Variants in SMG7 observed in about 807,000 individuals in gnomAD.
SMG7 encodes the protein nonsense-mediated mRNA decay factor SMG7.
A neutral mutation model predicts 148.2 loss-of-function variants in SMG7; 34 were observed. That is an observed-to-expected ratio of 0.23 (90% CI 0.17 to 0.31). The LOEUF is 0.31. Ranked by LOEUF, SMG7 falls within the 10% of genes least tolerant of loss-of-function variation. The pLI is 1.00. For missense variants in SMG7, 1,114 were observed against 1,408.4 expected (o/e 0.79, Z 3.35); for synonymous variants, 492 against 515.1 (o/e 0.96, Z 0.61).
intron 16 of SMG7, among the ~76,000 whole-genome samples, chr1:183,545,696 A>G (rs1669800292): frequency 6.6e-6 from 1 of 152,226 alleles, no homozygotes; most frequent in Admixed American, 6.5e-5. Flanking sequence ...TGAAGCAGAA[A>G]GGGGAAACAA....
At chr1:183,521,481 C>G (rs12032165) in intron 4 of SMG7, among the ~76,000 whole-genome samples, 13,058 of 152,202 alleles carry the variant, frequency 0.086, 650 homozygotes, top group East Asian at 0.24. Flanking sequence ...ACAAATCTTT[C>G]TTGATTACAT....
At chr1:183,516,031 A>G in intron 3 of SMG7, 40 bp downstream of exon 3, 1 of 1,234,466 alleles carries the variant, frequency 8.1e-7, no homozygotes, top group Non-Finnish European at 1.2e-6. Context: ...CTGTAAGATC[A>G]AGAATTTCAC....
At chr1:183,508,966 A>C (rs1661570037) in intron 1 of SMG7, among the ~76,000 whole-genome samples, 1 of 152,194 alleles carries the variant, frequency 6.6e-6, no homozygotes, top group Non-Finnish European at 1.5e-5. Flanking sequence ...TGGGAACTTA[A>C]AGAAGTTTTA....
In SMG7 at chr1:183,527,868, C is replaced by T. The variant is rs1666163953; in HGVS notation, c.485-88C>T. On this transcript the variant is annotated intron_variant, in intron 5 of 22. Coordinates refer to ENST00000688051, the MANE Select transcript of SMG7 (RefSeq NM_001375584.1). The surrounding 1 kb of genome is among the most constrained non-coding windows in gnomAD (Gnocchi z 4.0). ...AAATTAACTTTAATGTCTTTATTATCTTTAGAACTTAAAACTATAGCTGTT... is the reference window on the plus strand; with the variant it reads ...AAATTAACTTTAATGTCTTTATTATTTTTAGAACTTAAAACTATAGCTGTT... The T allele has an allele frequency of 3.7e-6, 3 of 820,402 alleles. No homozygotes were observed. Among genetic ancestry groups the T allele is most frequent in the Non-Finnish European group, 6.1e-6 (3 of 495,478 alleles). 50.8% of individuals were successfully genotyped at this position (820,402 alleles called of 1,614,324 possible).
chr1:183,482,630 C>T (rs192101447), intron 1 of SMG7, among the ~76,000 whole-genome samples: 264 of 152,116 alleles, frequency 1.7e-3, no homozygotes, highest in Middle Eastern at 6.8e-3. Context: ...AGACCATGTT[C>T]ACATAACTTA....
intron 4 of SMG7, among the ~76,000 whole-genome samples, chr1:183,520,025 ATT>A (rs200738416): frequency 2.1e-5 from 3 of 144,130 alleles, no homozygotes; most frequent in African/African-American, 2.5e-5. Context: ...AGTTACCAGG[ATT>A]TTTTTTTTTT....
Position 183,545,029 on chromosome 1 carries a change from T to C in SMG7, c.2087T>C (p.Leu696Pro). ...GGTGTTTCTGTCCCAGGAACCTTTCTTCAGCCTACAGCTCACTCTCCAGCA... is the reference window on the plus strand; with the variant it reads ...GGTGTTTCTGTCCCAGGAACCTTTCCTCAGCCTACAGCTCACTCTCCAGCA... ...PAGVSVPGTFLQPTAHSPAGN... is the reference protein window; with the variant it reads ...PAGVSVPGTFPQPTAHSPAGN... Residue 696 changes from leucine (L) to proline (P), a missense_variant, in exon 16 of 23, where the codon CTT becomes CCT. Leu to Pro is a moderately conservative substitution (Grantham distance 98, BLOSUM62 -3). Coordinates refer to ENST00000688051, the MANE Select transcript of SMG7 (RefSeq NM_001375584.1). 1 of 1,614,070 alleles carries C rather than the reference T, an allele frequency of 6.2e-7. No homozygotes were observed. The highest frequency in any genetic ancestry group is 8.5e-7 in the Non-Finnish European group (1 of 1,179,990).
intron 20 of SMG7, 125 bp from the exon 21 acceptor site, chr1:183,550,626 T>A (rs1670841814): frequency 1.1e-6 from 1 of 929,492 alleles, no homozygotes; most frequent in African/African-American, 1.7e-5. Flanking sequence ...TTAGTTTCCC[T>A]TTCCTTCAAA....
intron 18 of SMG7, among the ~76,000 whole-genome samples, chr1:183,548,231 A>G (rs1191647686): frequency 6.6e-6 from 1 of 152,210 alleles, no homozygotes; most frequent in African/African-American, 2.4e-5. Flanking sequence ...GTTATTAAAT[A>G]ATAGCAATAA....
intron 6 of SMG7, among the ~76,000 whole-genome samples, chr1:183,528,363 C>T (rs1666269866): frequency 6.6e-6 from 1 of 151,986 alleles, no homozygotes; most frequent in Non-Finnish European, 1.5e-5. Flanking sequence ...CCATTCCCCT[C>T]CCCCCAGAAA....
chr1:183,503,843 CA>C (rs1208219608), intron 1 of SMG7, among the ~76,000 whole-genome samples: 1 of 152,176 alleles, frequency 6.6e-6, no homozygotes, highest in East Asian at 1.9e-4. Flanking sequence ...GATGAGGAAA[CA>C]GTCTTCTTAA....
In SMG7 at chr1:183,554,048, T is replaced by A. The variant is rs1232607411; in HGVS notation, c.*2117T>A. 6.5e-6 allele frequency: 1 copy of A among 152,692 alleles called. No individual in the cohort carries two copies. The highest frequency in any genetic ancestry group is 2.4e-5 in the African/African-American group (1 of 41,470). 9.5% of individuals were successfully genotyped at this position (152,692 alleles called of 1,614,324 possible). A position where few individuals can be genotyped will look rare whatever the true frequency, so the allele number is the denominator to read the frequency against. ...GTAATGAGGGGGAGGAGAATCTTTA[T>A]CAGAAACTGGTTTTGTGTAGTAAAC... is the stretch of plus-strand genomic sequence containing the variant. On this transcript the variant is annotated 3_prime_UTR_variant, in exon 23 of 23. Transcript: ENST00000688051.
At chr1:183,525,893 T>TA (rs1417811069) in intron 4 of SMG7, among the ~76,000 whole-genome samples, 1 of 152,060 alleles carries the variant, frequency 6.6e-6, no homozygotes, top group African/African-American at 2.4e-5. Flanking sequence ...GTCTGACAAA[T>TA]ACCTTGGCTT....
At chr1:183,489,714 C>CATT (rs1656448506) in intron 1 of SMG7, among the ~76,000 whole-genome samples, 1 of 152,020 alleles carries the variant, frequency 6.6e-6, no homozygotes, top group Non-Finnish European at 1.5e-5. Flanking sequence ...AGTATAAGGG[C>CATT]ATTAGGGCCA....
chr1:183,475,228 G>A (rs1651859740), intron 1 of SMG7, among the ~76,000 whole-genome samples: 1 of 152,132 alleles, frequency 6.6e-6, no homozygotes, highest in African/African-American at 2.4e-5. Flanking sequence ...TGAATAAAAG[G>A]GTGAACATGG....
intron 20 of SMG7, 148 bp from the exon 21 acceptor site, chr1:183,550,603 C>G: frequency 1.3e-6 from 1 of 751,158 alleles, no homozygotes; most frequent in Admixed American, 2.8e-5. Flanking sequence ...TCTAGCAGAT[C>G]TCTTTGGAGC....
intron 4 of SMG7, among the ~76,000 whole-genome samples, chr1:183,519,225 A>G (rs938328973): frequency 6.6e-6 from 1 of 152,156 alleles, no homozygotes; most frequent in Non-Finnish European, 1.5e-5. Flanking sequence ...AACAATTCAG[A>G]TAACTGTCAT....
intron 16 of SMG7, 147 bp downstream of exon 16, chr1:183,545,459 G>A (rs1669759236): frequency 4.4e-6 from 4 of 911,844 alleles, no homozygotes; most frequent in Non-Finnish European, 6.5e-6. Flanking sequence ...TGTCTCTACT[G>A]TTTATGAAAG....
intron 1 of SMG7, among the ~76,000 whole-genome samples, chr1:183,473,297 T>G (rs905531608): frequency 1.3e-5 from 2 of 152,000 alleles, no homozygotes; most frequent in Non-Finnish European, 2.9e-5. Context: ...GTTGGGTTTT[T>G]CAGAAGAAAC....
Sources: allele counts gnomAD v4.1 joint callset (sites outside exome capture counted in the v4.1 genomes callset), GRCh38; gene constraint gnomAD v4.1.1; non-coding constraint Gnocchi (gnomAD v3.1); transcripts MANE v1.5; gene names NCBI Gene and HGNC (gene_info 2026-07-23, HGNC 2026-07-21).